Variants in NSD1 observed in about 807,000 individuals in gnomAD.
NSD1 encodes nuclear receptor binding SET domain protein 1.
Under a neutral mutation model 242.7 loss-of-function variants are expected in NSD1, and 26 were observed. That is an observed-to-expected ratio of 0.11 (90% CI 0.08 to 0.15). NSD1 has a LOEUF of 0.15. Ranked by LOEUF, NSD1 falls within the 10% of genes least tolerant of loss-of-function variation. The probability of loss-of-function intolerance (pLI) is 1.00; values close to 1 mark genes in which losing one functional copy is unlikely to be tolerated. For synonymous variants in NSD1, 1,106 were observed against 1,178.1 expected, an observed-to-expected ratio of 0.94 and a Z score of 1.25; for missense variants, 2,495 against 3,272.8, an observed-to-expected ratio of 0.76 and a Z score of 5.80.
intron 3 of NSD1, among the ~76,000 whole-genome samples, chr5:177,199,367 C>T (rs931041941): frequency 2.0e-5 from 3 of 152,076 alleles, no homozygotes; most frequent in African/African-American, 7.2e-5. Context: ...ATGTGATTCT[C>T]CTGCCTCAGC....
chr5:177,217,725 TGGCGCGATCTC>T (rs906407790), intron 5 of NSD1, among the ~76,000 whole-genome samples: 3 of 149,908 alleles, frequency 2.0e-5, no homozygotes, highest in African/African-American at 7.4e-5. Context: ...TGGAGTGCAG[TGGCGCGATCTC>T]GGCTCACTGC....
At chr5:177,225,446 T>C (rs545683113) in intron 5 of NSD1, among the ~76,000 whole-genome samples, 15 of 152,212 alleles carry the variant, frequency 9.9e-5, no homozygotes, top group Admixed American at 7.9e-4. Context: ...CCCAGCCGTC[T>C]TAGTCTAGTT....
intron 14 of NSD1, 101 bp from the exon 15 acceptor site, chr5:177,267,461 T>C: frequency 7.2e-6 from 7 of 977,458 alleles, no homozygotes; most frequent in South Asian, 6.9e-5. Context: ...AGTATATCTT[T>C]TAGTGAAGAG....
chr5:177,290,961 T>C (rs1170432958), intron 21 of NSD1, among the ~76,000 whole-genome samples: 1 of 152,054 alleles, frequency 6.6e-6, no homozygotes, highest in African/African-American at 2.4e-5. Context: ...TTCACAGGAG[T>C]CAGTCAGAGG....
At chr5:177,133,716 G>A (rs1443696262), upstream of NSD1, 1 of 148,852 alleles carries the variant, frequency 6.7e-6, no homozygotes, top group Non-Finnish European at 1.5e-5. This position sits in a 1 kb window ranked among gnomAD's most constrained non-coding sequence, Gnocchi z 6.2. Context: ...GCCGGCGCGA[G>A]GCGCTCGGTC....
intron 5 of NSD1, 110 bp downstream of exon 5, chr5:177,212,305 G>A: frequency 9.9e-7 from 1 of 1,009,824 alleles, no homozygotes; most frequent in Non-Finnish European, 1.5e-6. Flanking sequence ...TAAACTAGCG[G>A]GGAAGAATCA....
intron 13 of NSD1, among the ~76,000 whole-genome samples, 162 bp downstream of exon 13, chr5:177,257,313 C>T (rs1238287449): frequency 6.7e-6 from 1 of 149,322 alleles, no homozygotes; most frequent in Non-Finnish European, 1.5e-5. Flanking sequence ...CCACTGCAAG[C>T]TCCGCCTCCT....
At chr5:177,205,828 A>G (rs755559226) in intron 4 of NSD1, among the ~76,000 whole-genome samples, 4 of 151,770 alleles carry the variant, frequency 2.6e-5, no homozygotes, top group African/African-American at 9.7e-5. Context: ...TTTATTTATT[A>G]TTATTATTCT....
chr5:177,137,028 C>T (rs1012954303), intron 2 of NSD1: 95 of 505,398 alleles, frequency 1.9e-4, no homozygotes, highest in Admixed American at 3.3e-5. Context: ...TGGAGAGTAT[C>T]TTATTTGAGT....
intron 11 of NSD1, among the ~76,000 whole-genome samples, chr5:177,251,260 G>A (rs1269042870): frequency 6.6e-6 from 1 of 151,912 alleles, no homozygotes; most frequent in Non-Finnish European, 1.5e-5. Context: ...TTTCCTAAGC[G>A]CCTGTCTTAA....
chr5:177,259,842 G>A (rs934950005), intron 13 of NSD1, 147 bp from the exon 14 acceptor site: 3 of 825,016 alleles, frequency 3.6e-6, no homozygotes, highest in Non-Finnish European at 5.8e-6. Context: ...TTGATGGATC[G>A]AGTGTTTAAG....
chr5:177,205,267 G>A (rs1409554475), intron 4 of NSD1, among the ~76,000 whole-genome samples: 1 of 152,082 alleles, frequency 6.6e-6, no homozygotes, highest in Non-Finnish European at 1.5e-5. Flanking sequence ...AACTCCTGAT[G>A]TCAGGTGATC....
Position 177,210,113 on chromosome 5 carries a change from T to G in NSD1, c.1714T>G (p.Ser572Ala), listed in dbSNP as rs1379113557. 1.2e-6 allele frequency: 2 copies of G among 1,613,538 alleles called. No homozygotes were observed. Among genetic ancestry groups the G allele is most frequent in the Non-Finnish European group, 1.7e-6 (2 of 1,179,840 alleles). ...TGCCCCAGGAAGTTTTCTGTTTTCT[T>G]CCTGTGGAAAAAACACTGCAAAGAA... ...NTAPGSFLFSSCGKNTAKKEF... is the reference protein window; with the variant it reads ...NTAPGSFLFSACGKNTAKKEF... Residue 572 changes from serine (S) to alanine (A), a missense_variant, in exon 5 of 23, where the codon TCC (serine) becomes GCC (alanine). By Grantham distance (99) the Ser-to-Ala change is moderately conservative. This residue lies in a region of NSD1 where 515 missense variants were observed against 467.0 expected (regional missense o/e 1.10). Coordinates refer to ENST00000439151, the MANE Select transcript of NSD1 (RefSeq NM_022455.5).
chr5:177,183,531 A>G (rs777693417), intron 2 of NSD1, among the ~76,000 whole-genome samples: 21 of 152,218 alleles, frequency 1.4e-4, no homozygotes, highest in Non-Finnish European at 4.4e-5. Context: ...TATGATATAC[A>G]TGAGATATTT....
In NSD1 at chr5:177,210,558, A is replaced by T; in HGVS notation, c.2159A>T (p.Glu720Val). 4 of 1,614,194 alleles carry T rather than the reference A, an allele frequency of 2.5e-6. No individual in the cohort carries two copies. The highest frequency in any genetic ancestry group is 3.4e-6 in the Non-Finnish European group (4 of 1,180,036). The change falls in exon 5 of 23, where the codon GAG becomes GTG. Residue 720 changes from glutamate (E) to valine (V), a missense_variant. Coordinates refer to ENST00000439151, the MANE Select transcript of NSD1 (RefSeq NM_022455.5). Reference protein sequence around the residue: ...DHLMGCTKSAEPGTETSQVNL... With the variant: ...DHLMGCTKSAVPGTETSQVNL... ...TTAATGGGTTGTACTAAGAGTGCAG[A>T]GCCTGGAACCGAGACGTCTCAGGTT...
intron 17 of NSD1, among the ~76,000 whole-genome samples, chr5:177,277,732 G>T (rs1248595567): frequency 1.3e-5 from 2 of 152,038 alleles, no homozygotes; most frequent in East Asian, 1.9e-4. Context: ...AAAAATTTGG[G>T]GTGCCTGTTG....
At chr5:177,187,799 C>G (rs1761355618) in intron 2 of NSD1, among the ~76,000 whole-genome samples, 1 of 152,158 alleles carries the variant, frequency 6.6e-6, no homozygotes, top group Admixed American at 6.6e-5. Context: ...TTAAGGCCCA[C>G]CCTTGTGACT....
Position 177,280,774 on chromosome 5 carries a change from T to C in NSD1, c.5832T>C (p.Val1944=), listed in dbSNP as rs200326200. 2.5e-6 allele frequency: 4 copies of C among 1,614,214 alleles called. No individual in the cohort carries two copies. The African/African-American group carries it at 5.3e-5, about 22-fold the overall frequency. Residue 1944 remains valine, a synonymous_variant, in exon 18 of 23, where the codon GTT becomes GTC. Transcript: ENST00000439151. The stretch of plus-strand genomic sequence containing the variant: ...TTTCCAAGCGCCAATATCCAGAGGT[T>C]GAAATTTTCCGCACATTACAGCGGG... ...QCFSKRQYPE[V]EIFRTLQRGW... is the part of the protein sequence containing the mutation.
chr5:177,177,092 A>AG (rs1403588018), intron 2 of NSD1, among the ~76,000 whole-genome samples: 4 of 152,202 alleles, frequency 2.6e-5, no homozygotes, highest in African/African-American at 7.2e-5. Context: ...TTTTTGAGAC[A>AG]GGGTCTCTGT....
Sources: allele counts gnomAD v4.1 joint callset (sites outside exome capture counted in the v4.1 genomes callset), GRCh38; gene constraint gnomAD v4.1.1; regional missense constraint gnomAD v4.1.1; non-coding constraint Gnocchi (gnomAD v3.1); transcripts MANE v1.5; gene names NCBI Gene and HGNC (gene_info 2026-07-23, HGNC 2026-07-21).